BCLAF3: variants seen among roughly 807,000 people sequenced by gnomAD.
The protein encoded by BCLAF3 is transient octamer binding factor 1.
In BCLAF3, 24 loss-of-function variants were observed where a neutral mutation model predicts 51.2. The ratio of observed to expected loss-of-function variants is 0.47; its 90% confidence interval spans 0.34 to 0.66. BCLAF3 has a LOEUF of 0.66. Among genes scored for constraint, BCLAF3 ranks in the 30% least tolerant of loss-of-function variants. The pLI is 0.01. For missense variants in BCLAF3, 465 were observed against 525.1 expected, an observed-to-expected ratio of 0.89 and a Z score of 1.12; for synonymous variants, 152 against 176.6, an observed-to-expected ratio of 0.86 and a Z score of 1.10.
In BCLAF3 at chrX:19,989,122, A is replaced by G. The variant is rs1484271281; in HGVS notation, c.-35+1786T>C. Among the ~76,000 whole-genome samples the G allele has an allele frequency of 5.5e-5, 6 of 108,228 alleles. No homozygotes were observed. The East Asian group carries it at 1.7e-3, about 31-fold the overall frequency. 94.0% of individuals were successfully genotyped at this position (108,228 alleles called of 115,157 possible). A position where few individuals can be genotyped will look rare whatever the true frequency, so the allele number is the denominator to read the frequency against. On this transcript the variant is annotated intron_variant, in intron 1 of 11. Coordinates refer to ENST00000379682, the MANE Select transcript of BCLAF3 (RefSeq NM_001367774.2). ...GCATATCCTTTCCAGAGGGAAATTG[A>G]GCAATTCACATTAAAAAAAAAAAAA...
At chrX:19,984,072 C>CAAAAAAAA (rs1168246147) in intron 1 of BCLAF3, among the ~76,000 whole-genome samples, 5 of 15,418 alleles carry the variant, frequency 3.2e-4, no homozygotes, top group Non-Finnish European at 4.7e-4. Context: ...GACTCCATCT[C>CAAAAAAAA]AAAAAAAAAA....
intron 4 of BCLAF3, among the ~76,000 whole-genome samples, chrX:19,958,532 A>G (rs1449318464): frequency 8.9e-6 from 1 of 112,320 alleles, no homozygotes; most frequent in Non-Finnish European, 1.9e-5. Flanking sequence ...GACCACTTAA[A>G]CGATGGTGGT....
intron 5 of BCLAF3, chrX:19,954,117 T>C: frequency 5.3e-6 from 4 of 754,231 alleles, no homozygotes; most frequent in Non-Finnish European, 6.3e-6. Flanking sequence ...AGAATTTTCT[T>C]TCTATCTGAC....
intron 8 of BCLAF3, among the ~76,000 whole-genome samples, chrX:19,946,505 T>C: frequency 9.0e-6 from 1 of 111,202 alleles, no homozygotes; most frequent in Admixed American, 9.6e-5. Flanking sequence ...GAGAAGGAAA[T>C]ACTTTTTTTC....
chrX:19,974,008 T>C (rs1253568736), intron 1 of BCLAF3, among the ~76,000 whole-genome samples: 2 of 112,114 alleles, frequency 1.8e-5, no homozygotes, highest in Non-Finnish European at 3.8e-5. Context: ...AGGTGAACTG[T>C]ACATGGTACA....
intron 1 of BCLAF3, among the ~76,000 whole-genome samples, chrX:19,978,219 A>C (rs1275862972): frequency 8.9e-6 from 1 of 112,168 alleles, no homozygotes; most frequent in Non-Finnish European, 1.9e-5. Flanking sequence ...GTAAGACTAT[A>C]GCTGCCATTG....
chrX:19,935,795 A>T lies in BCLAF3; in HGVS notation c.1950+14T>A, dbSNP rs756733212. Reference sequence around the variant, plus strand: ...AACCAAAGCTGGAATTAAATGGAAAACAACACTCAATACCTTAAAAGGTCT... The same window carrying T: ...AACCAAAGCTGGAATTAAATGGAAATCAACACTCAATACCTTAAAAGGTCT... On this transcript the variant is annotated intron_variant, in intron 10 of 11. Coordinates refer to ENST00000379682, the MANE Select transcript of BCLAF3 (RefSeq NM_001367774.2). 8.5e-7 allele frequency: 1 copy of T among 1,179,849 alleles called. No individual in the cohort carries two copies. Among genetic ancestry groups the T allele is most frequent in the South Asian group, 1.8e-5 (1 of 55,973 alleles).
intron 4 of BCLAF3, among the ~76,000 whole-genome samples, chrX:19,963,396 A>G (rs1317630849): frequency 9.1e-6 from 1 of 110,454 alleles, no homozygotes; most frequent in Non-Finnish European, 1.9e-5. Flanking sequence ...TATGCTTTTA[A>G]GATGAAGAAC....
chrX:19,959,042 G>C (rs944379350), intron 4 of BCLAF3, among the ~76,000 whole-genome samples: 1 of 112,455 alleles, frequency 8.9e-6, no homozygotes, highest in Non-Finnish European at 1.9e-5. Flanking sequence ...TGTCAAATCA[G>C]GCTGGCAGTC....
intron 11 of BCLAF3, among the ~76,000 whole-genome samples, chrX:19,927,676 CT>C (rs573804229): frequency 4.1e-4 from 42 of 102,787 alleles, no homozygotes; most frequent in Admixed American, 9.5e-4. Flanking sequence ...TCTTCCTGTT[CT>C]TTTTTTTTTT....
rs1569511830 is a variant in BCLAF3 at position 19,990,921 on chromosome X, C to T, written c.-48G>A. Among the ~76,000 whole-genome samples the T allele has an allele frequency of 1.5e-5, 1 of 65,887 alleles. No individual in the cohort carries two copies. Among genetic ancestry groups the T allele is most frequent in the Non-Finnish European group, 2.9e-5 (1 of 34,813 alleles). 57.2% of individuals were successfully genotyped at this position (65,887 alleles called of 115,157 possible). On this transcript the variant is annotated 5_prime_UTR_variant, in exon 1 of 12. Transcript: ENST00000379682. Reference sequence around the variant, plus strand: ...CGAGCCGCTCACCCGGCCGGGAAGCCCCCGCCGCCGCCGCCGCCGCCGCCG... The same window carrying T: ...CGAGCCGCTCACCCGGCCGGGAAGCTCCCGCCGCCGCCGCCGCCGCCGCCG...
chrX:19,927,767 A>G (rs990112590), intron 11 of BCLAF3, among the ~76,000 whole-genome samples: 1 of 109,592 alleles, frequency 9.1e-6, no homozygotes, highest in Non-Finnish European at 1.9e-5. Flanking sequence ...TCAGCCTCCC[A>G]AGTAGCTGGG....
chrX:19,922,881 C>G (rs1447018456), intron 11 of BCLAF3, among the ~76,000 whole-genome samples: 1 of 109,000 alleles, frequency 9.2e-6, no homozygotes, highest in African/African-American at 3.4e-5. Flanking sequence ...GCCTGGGTGA[C>G]AGAGACTCCA....
chrX:19,923,943 G>A (rs1303125408), intron 11 of BCLAF3, among the ~76,000 whole-genome samples: 1 of 108,680 alleles, frequency 9.2e-6, no homozygotes, highest in African/African-American at 3.4e-5. Context: ...CTGGGTTCAA[G>A]CAAATCTCAT....
chrX:19,929,287 G>A (rs1420396392), intron 11 of BCLAF3: 3 of 111,833 alleles, frequency 2.7e-5, no homozygotes, highest in Non-Finnish European at 5.6e-5. Flanking sequence ...TGAACTGTAT[G>A]TACTTGATGC....
intron 6 of BCLAF3, among the ~76,000 whole-genome samples, 192 bp from the exon 7 acceptor site, chrX:19,953,243 G>A (rs2071553081): frequency 9.0e-6 from 1 of 111,213 alleles, no homozygotes; most frequent in Admixed American, 9.6e-5. Context: ...CACACTATAG[G>A]GAAGCTTTAG....
intron 8 of BCLAF3, among the ~76,000 whole-genome samples, chrX:19,939,091 C>T (rs1364651005): frequency 9.0e-6 from 1 of 111,539 alleles, no homozygotes; most frequent in Non-Finnish European, 1.9e-5. Context: ...TATGCTTTGT[C>T]AAAATGCTCA....
intron 2 of BCLAF3, among the ~76,000 whole-genome samples, chrX:19,967,876 T>C (rs891450487): frequency 8.9e-6 from 1 of 112,132 alleles, no homozygotes; most frequent in South Asian, 3.7e-4. Context: ...AACTTGGCAA[T>C]ATTGCCCTCT....
chrX:19,982,664 C>T (rs770981118), intron 1 of BCLAF3, among the ~76,000 whole-genome samples: 5 of 109,032 alleles, frequency 4.6e-5, no homozygotes, highest in East Asian at 2.9e-4. Flanking sequence ...CAAAGGTAAA[C>T]GATTAGAACA....
Sources: gnomAD v4.1 joint callset for allele counts (sites outside exome capture counted in the v4.1 genomes callset) on GRCh38, gnomAD v4.1.1 for gene constraint, MANE v1.5 for transcripts, NCBI Gene and HGNC (gene_info 2026-07-23, HGNC 2026-07-21) for gene names.